The following SLC13A3 variants were observed in gnomAD, a reference collection of about 807,000 sequenced individuals.
The protein encoded by SLC13A3 is solute carrier family 13 member 3, also known as Na(+)/dicarboxylate cotransporter 3.
SLC13A3 carries 40 observed loss-of-function variants against 59.0 expected under a neutral mutation model. The ratio of observed to expected loss-of-function variants is 0.68; its 90% CI spans 0.53 to 0.88. The LOEUF (loss-of-function observed/expected upper bound fraction) is 0.88. SLC13A3 is among the 40% of genes least tolerant of loss of function. The pLI is 0.00. For missense variants in SLC13A3, 699 were observed against 783.2 expected, an observed-to-expected ratio of 0.89 and a Z score of 1.28; for synonymous variants, 317 against 330.3, an observed-to-expected ratio of 0.96 and a Z score of 0.44.
At chr20:46,637,601 G>A (rs2062807826) in intron 1 of SLC13A3, among the ~76,000 whole-genome samples, 1 of 152,092 alleles carries the variant, frequency 6.6e-6, no homozygotes, top group South Asian at 2.1e-4. Flanking sequence ...ATACCACTAC[G>A]ACTACTACTG....
intron 4 of SLC13A3, among the ~76,000 whole-genome samples, chr20:46,598,431 G>A (rs1600538214): frequency 6.6e-6 from 1 of 152,078 alleles, no homozygotes; most frequent in East Asian, 1.9e-4. Flanking sequence ...ACACTTTTTT[G>A]TTCAGGTGAG....
intron 3 of SLC13A3, chr20:46,608,809 C>A: frequency 6.8e-7 from 1 of 1,463,920 alleles, no homozygotes. Flanking sequence ...GTTGTGTTCA[C>A]TGAGGTAAAT....
chr20:46,562,262 G>A (rs2061937762), intron 12 of SLC13A3, among the ~76,000 whole-genome samples: 2 of 152,120 alleles, frequency 1.3e-5, no homozygotes, highest in Admixed American at 6.5e-5. Context: ...TCCTGTCCCC[G>A]CTGTTCCCTG....
At position 46,575,560 on chromosome 20, in the gene SLC13A3, C is replaced by T; in HGVS notation, c.1332+13G>A. 6.5e-7 allele frequency: 1 copy of T among 1,531,540 alleles called. No individual in the cohort carries two copies. The highest frequency in any genetic ancestry group is 8.9e-7 in the Non-Finnish European group (1 of 1,123,152). 94.9% of individuals were successfully genotyped at this position (1,531,540 alleles called of 1,614,324 possible). A position where few individuals can be genotyped will look rare whatever the true frequency, so the allele number is the denominator to read the frequency against. On this transcript the variant is annotated intron_variant, in intron 10 of 12. Transcript: ENST00000279027. ...CACTGTTCCTGCTGGTTGGGGGAGC[C>T]AGGGGGTCTTACCTCACAGCCTTTG... is the stretch of plus-strand genomic sequence containing the variant.
In SLC13A3 at chr20:46,678,531, C is replaced by CA. The variant is rs1452010149; in HGVS notation, c.-31+5864dup. 2.6e-5 allele frequency among the ~76,000 whole-genome samples: 4 copies of CA among 152,330 alleles called. No individual in the cohort carries two copies. The East Asian group carries it at 7.7e-4, about 29-fold the overall frequency. ...CATCTTCCTCTCATTGACTCTTTACCATCAGGGGTGGCCTCATGGCCTCCA... is the reference window on the plus strand; with the variant it reads ...CATCTTCCTCTCATTGACTCTTTACCAATCAGGGGTGGCCTCATGGCCTCCA... On this transcript the variant is annotated intron_variant, in intron 1 of 6. Coordinates refer to the SLC13A3 transcript ENST00000372121.
At chr20:46,610,734 G>C (rs2062486468) in intron 2 of SLC13A3, 125 bp from the exon 3 acceptor site, 1 of 777,496 alleles carries the variant, frequency 1.3e-6, no homozygotes, top group African/African-American at 1.7e-5. Flanking sequence ...GAGACTCAAA[G>C]CAGAAACCAA....
intron 1 of SLC13A3, among the ~76,000 whole-genome samples, chr20:46,657,454 G>T (rs1036217993): frequency 6.6e-6 from 1 of 151,756 alleles, no homozygotes; most frequent in Non-Finnish European, 1.5e-5. Flanking sequence ...GACATTTTGG[G>T]TACTGTATTA....
chr20:46,603,571 A>G (rs998754381), intron 3 of SLC13A3, among the ~76,000 whole-genome samples: 2 of 149,942 alleles, frequency 1.3e-5, no homozygotes, highest in Admixed American at 6.6e-5. Flanking sequence ...TTTTTTGGTA[A>G]AAAAGAAGGT....
In SLC13A3 at chr20:46,590,798, A is replaced by G. The variant is rs113188254; in HGVS notation, c.921-1543T>C. ...TGATCCAGAAATCCCACTTCTGGAA[A>G]TGTATCTTATAAAAATGCTTGCTTC... is the stretch of plus-strand genomic sequence containing the variant. On this transcript the variant is annotated intron_variant, in intron 6 of 12. Coordinates refer to ENST00000279027, the MANE Select transcript of SLC13A3 (RefSeq NM_022829.6). Among the ~76,000 whole-genome samples, 566 of 152,308 alleles carry G rather than the reference A, an allele frequency of 3.7e-3. 4 individuals carry two copies. The highest frequency in any genetic ancestry group is 0.013 in the African/African-American group (548 of 41,584).
At chr20:46,608,549 A>G (rs1015232363) in intron 3 of SLC13A3, among the ~76,000 whole-genome samples, 2 of 152,202 alleles carry the variant, frequency 1.3e-5, no homozygotes, top group African/African-American at 4.8e-5. Flanking sequence ...TCCTCAACAC[A>G]TCATCTCACC....
intron 10 of SLC13A3, among the ~76,000 whole-genome samples, chr20:46,567,853 G>A (rs1600495962): frequency 6.6e-6 from 1 of 152,118 alleles, no homozygotes; most frequent in East Asian, 1.9e-4. Context: ...CTGTCCCCTG[G>A]TGCAACTGTG....
chr20:46,599,591 T>C (rs951316757), intron 4 of SLC13A3, among the ~76,000 whole-genome samples: 1 of 151,918 alleles, frequency 6.6e-6, no homozygotes, highest in Non-Finnish European at 1.5e-5. Context: ...AGGGCTGTTA[T>C]TGTTTTATAA....
intron 9 of SLC13A3, chr20:46,582,824 C>T: frequency 1.2e-5 from 12 of 985,392 alleles, no homozygotes; most frequent in Non-Finnish European, 1.4e-5. Flanking sequence ...CAGGTGGCAG[C>T]CTCAGGTGTT....
chr20:46,572,089 C>T (rs1168461814), intron 10 of SLC13A3, among the ~76,000 whole-genome samples: 6 of 151,994 alleles, frequency 3.9e-5, no homozygotes, highest in Non-Finnish European at 5.9e-5. Flanking sequence ...GTAGTGAGGA[C>T]CCTAAGTGGG....
At chr20:46,652,317 T>C (rs2062957270), upstream of SLC13A3, among the ~76,000 whole-genome samples, 2 of 152,222 alleles carry the variant, frequency 1.3e-5, no homozygotes, top group Admixed American at 6.5e-5. Flanking sequence ...TGTAATGTGA[T>C]TAGCGCAGTG....
intron 8 of SLC13A3, among the ~76,000 whole-genome samples, chr20:46,586,434 ATACTC>A (rs1250852930): frequency 6.6e-6 from 1 of 152,120 alleles, no homozygotes; most frequent in Admixed American, 6.5e-5. Context: ...CTCATGGTCT[ATACTC>A]TACTTAAACA....
At chr20:46,668,970 T>C (rs1183585835) in intron 1 of SLC13A3, among the ~76,000 whole-genome samples, 1 of 152,232 alleles carries the variant, frequency 6.6e-6, no homozygotes, top group Non-Finnish European at 1.5e-5. Flanking sequence ...CCACAGTCAA[T>C]GGATGGCTTG....
At chr20:46,613,849 C>A (rs372125414) in intron 1 of SLC13A3, 124 bp from the exon 2 acceptor site, 22 of 833,102 alleles carry the variant, frequency 2.6e-5, no homozygotes, top group East Asian at 5.5e-5. Context: ...AGGAGGCCTG[C>A]GGCAGGGCCT....
chr20:46,583,540 G>A, intron 9 of SLC13A3, 32 bp downstream of exon 9: 2 of 1,609,968 alleles, frequency 1.2e-6, no homozygotes, highest in African/African-American at 1.3e-5. Context: ...TCCTCACTGA[G>A]CCCACCGAGA....
Sources: allele counts gnomAD v4.1 joint callset (sites outside exome capture counted in the v4.1 genomes callset), GRCh38; gene constraint gnomAD v4.1.1; transcripts MANE v1.5; gene names NCBI Gene and HGNC (gene_info 2026-07-23, HGNC 2026-07-21).